The following CAMSAP2 variants were observed in gnomAD, a reference collection of about 807,000 sequenced individuals.
CAMSAP2 encodes calmodulin regulated spectrin associated protein family member 2.
CAMSAP2 carries 26 observed loss-of-function variants against 146.1 expected under a neutral mutation model. The observed-to-expected ratio is 0.18, with a 90% CI of 0.13 to 0.25. The LOEUF (loss-of-function observed/expected upper bound fraction) is 0.25. Ranked by LOEUF, CAMSAP2 falls within the 10% of genes least tolerant of loss-of-function variation. The pLI is 1.00. For synonymous variants in CAMSAP2, 499 were observed against 596.6 expected (o/e 0.84, Z 2.38); for missense variants, 1,381 against 1,759.3 (o/e 0.78, Z 3.85).
At chr1:200,803,932 T>G (rs1433748462) in intron 2 of CAMSAP2, among the ~76,000 whole-genome samples, 1 of 151,320 alleles carries the variant, frequency 6.6e-6, no homozygotes, top group Non-Finnish European at 1.5e-5. Flanking sequence ...TGTTTTTCTT[T>G]TTTTTTTTCT....
intron 2 of CAMSAP2, among the ~76,000 whole-genome samples, chr1:200,806,008 G>C (rs986307797): frequency 1.3e-5 from 2 of 152,138 alleles, no homozygotes; most frequent in African/African-American, 4.8e-5. Context: ...GGAAAAAATA[G>C]AGAATAATAT....
intron 6 of CAMSAP2, among the ~76,000 whole-genome samples, chr1:200,835,022 A>G (rs977783067): frequency 1.3e-5 from 2 of 152,234 alleles, no homozygotes; most frequent in African/African-American, 4.8e-5. Flanking sequence ...TGTTAAAAAC[A>G]TGGTGGGAAT....
intron 2 of CAMSAP2, among the ~76,000 whole-genome samples, chr1:200,779,642 G>A (rs1442856994): frequency 6.6e-6 from 1 of 152,182 alleles, no homozygotes; most frequent in African/African-American, 2.4e-5. Flanking sequence ...CAACTAATGT[G>A]CAGAAAATAC....
intron 1 of CAMSAP2, among the ~76,000 whole-genome samples, chr1:200,754,542 T>C (rs1364811553): frequency 6.6e-6 from 1 of 151,950 alleles, no homozygotes; most frequent in East Asian, 1.9e-4. Flanking sequence ...TCCATTTGTT[T>C]GTTGGTATTA....
chr1:200,813,485 G>A lies in CAMSAP2; in HGVS notation c.562-2076G>A, dbSNP rs765688069. On this transcript the variant is annotated intron_variant, in intron 3 of 16. Coordinates refer to ENST00000358823, the MANE Select transcript of CAMSAP2 (RefSeq NM_203459.4). ...ATAGCATTTACAAATGGTTTTTGTTGTTGTTCTATCTCCCCTGCTTCATGA... is the reference window on the plus strand; with the variant it reads ...ATAGCATTTACAAATGGTTTTTGTTATTGTTCTATCTCCCCTGCTTCATGA... Among the ~76,000 whole-genome samples, 34 of 152,140 alleles carry A rather than the reference G, an allele frequency of 2.2e-4. 1 individual carries two copies. The highest frequency in any genetic ancestry group is 7.9e-4 in the Admixed American group (12 of 15,272).
At chr1:200,750,904 T>A in intron 1 of CAMSAP2, among the ~76,000 whole-genome samples, 1 of 144,242 alleles carries the variant, frequency 6.9e-6, no homozygotes. Context: ...CGCCTGCCTT[T>A]TTTTTTTTTT....
At chr1:200,763,495 C>T (rs1234817150) in intron 2 of CAMSAP2, among the ~76,000 whole-genome samples, 7 of 152,046 alleles carry the variant, frequency 4.6e-5, no homozygotes, top group African/African-American at 1.4e-4. Flanking sequence ...GCCGAGATTC[C>T]GCTACTGCAC....
At chr1:200,845,176 G>A (rs1667427285) in intron 8 of CAMSAP2, among the ~76,000 whole-genome samples, 1 of 151,918 alleles carries the variant, frequency 6.6e-6, no homozygotes, top group African/African-American at 2.4e-5. Flanking sequence ...GTAACTCTTA[G>A]GCCTTGGAGG....
intron 2 of CAMSAP2, among the ~76,000 whole-genome samples, chr1:200,782,982 T>C (rs1649086924): frequency 6.6e-6 from 1 of 151,740 alleles, no homozygotes; most frequent in South Asian, 2.1e-4. Context: ...CCCAGCCTGG[T>C]CTGGAACTAT....
At chr1:200,805,436 A>G (rs752468291) in intron 2 of CAMSAP2, among the ~76,000 whole-genome samples, 1 of 152,186 alleles carries the variant, frequency 6.6e-6, no homozygotes, top group Non-Finnish European at 1.5e-5. Flanking sequence ...ATAATATCCT[A>G]CAACTGTCTA....
chr1:200,819,840 A>G (rs1454039570), intron 4 of CAMSAP2, among the ~76,000 whole-genome samples: 1 of 152,158 alleles, frequency 6.6e-6, no homozygotes, highest in Non-Finnish European at 1.5e-5. Flanking sequence ...ATCTAGGAGT[A>G]CCTTCTAGAG....
intron 4 of CAMSAP2, among the ~76,000 whole-genome samples, chr1:200,818,508 C>T (rs538925412): frequency 3.3e-5 from 5 of 152,156 alleles, no homozygotes; most frequent in Admixed American, 6.5e-5. Context: ...ATAGCATTTA[C>T]CCCTTCATTT....
rs140396075 is a variant in CAMSAP2 at position 200,768,843 on chromosome 1, A to G, written c.399+7745A>G. Among the ~76,000 whole-genome samples the G allele has an allele frequency of 4.5e-3, 679 of 152,070 alleles. 6 individuals are homozygous for G. Among genetic ancestry groups the G allele is most frequent in the African/African-American group, 0.016 (644 of 41,484 alleles). On this transcript the variant is annotated intron_variant, in intron 2 of 16. Coordinates refer to ENST00000358823, the MANE Select transcript of CAMSAP2 (RefSeq NM_203459.4). ...TAATTTTTGTATTTTTAGTAGAGAC[A>G]GGGTTTCACCATGTTAGCCAGGATG...
At chr1:200,765,525 G>A (rs531947278) in intron 2 of CAMSAP2, among the ~76,000 whole-genome samples, 6 of 152,128 alleles carry the variant, frequency 3.9e-5, no homozygotes, top group South Asian at 2.1e-4. Context: ...CACCGCACCC[G>A]GCCATATGTT....
At chr1:200,761,184 G>GT in intron 2 of CAMSAP2, 86 bp downstream of exon 2, 1 of 1,272,860 alleles carries the variant, frequency 7.9e-7, no homozygotes, top group Admixed American at 2.1e-5. Flanking sequence ...AGAGGGAAAT[G>GT]TTTTGAAATT....
chr1:200,801,861 G>GTC (rs1459773993), intron 2 of CAMSAP2, among the ~76,000 whole-genome samples: 1 of 151,946 alleles, frequency 6.6e-6, no homozygotes, highest in Admixed American at 6.6e-5. Context: ...TCTTTAACTC[G>GTC]TCTTAGTACC....
At chr1:200,782,005 A>T (rs1281109858) in intron 2 of CAMSAP2, among the ~76,000 whole-genome samples, 1 of 152,194 alleles carries the variant, frequency 6.6e-6, no homozygotes, top group East Asian at 1.9e-4. Flanking sequence ...TTGGGGGGAA[A>T]ACATAAAAAT....
Position 200,749,407 on chromosome 1 carries a change from A to G in CAMSAP2, c.139+9441A>G, listed in dbSNP as rs183852790. Reference sequence around the variant, plus strand: ...TCATCAATGGGTAGCTGAATTAAGGACTCATGAATATCATGCTCATGTGTT... The same window carrying G: ...TCATCAATGGGTAGCTGAATTAAGGGCTCATGAATATCATGCTCATGTGTT... On this transcript the variant is annotated intron_variant, in intron 1 of 16. Transcript: ENST00000358823. Among the ~76,000 whole-genome samples the G allele has an allele frequency of 2.0e-3, 301 of 151,416 alleles. 3 individuals are homozygous for G. Among genetic ancestry groups the G allele is most frequent in the African/African-American group, 7.1e-3 (294 of 41,120 alleles).
At chr1:200,830,135 A>G (rs143978476) in intron 4 of CAMSAP2, among the ~76,000 whole-genome samples, 20 of 152,362 alleles carry the variant, frequency 1.3e-4, no homozygotes, top group African/African-American at 4.8e-4. Context: ...TCTTTCATGA[A>G]CTGCGGATGA....
Sources: allele counts gnomAD v4.1 joint callset (sites outside exome capture counted in the v4.1 genomes callset), GRCh38; gene constraint gnomAD v4.1.1; transcripts MANE v1.5; gene names NCBI Gene and HGNC (gene_info 2026-07-23, HGNC 2026-07-21).